The following KDM4F variants were observed in gnomAD, a reference collection of about 807,000 sequenced individuals.
KDM4F encodes the protein lysine demethylase 4F.
For synonymous variants in KDM4F, 223 were observed against 184.4 expected, an observed-to-expected ratio of 1.21 and a Z score of -1.70; for missense variants, 586 against 496.4, an observed-to-expected ratio of 1.18 and a Z score of -1.71.
exon 1 of KDM4F, chr11:95,049,646 G>A (rs1321609172): frequency 2.5e-6 from 4 of 1,598,634 alleles, no homozygotes; most frequent in Admixed American, 1.7e-5. Context: ...TCCAGCAGGT[G>A]ACCTCTGGGC....
chr11:95,050,065 A>T (rs1027074489), exon 1 of KDM4F: 1 of 1,602,008 alleles, frequency 6.2e-7, no homozygotes, highest in Admixed American at 1.7e-5. Flanking sequence ...GTGCCCCCAG[A>T]ACATGGTCAG....
At chr11:95,050,025 C>A (rs1349955057) in exon 1 of KDM4F, 5 of 1,613,766 alleles carry the variant, frequency 3.1e-6, no homozygotes, top group Non-Finnish European at 4.2e-6. Context: ...CAACTACCTG[C>A]ACTTTGGGGA....
At chr11:95,049,569 C>T in exon 1 of KDM4F, 1 of 1,597,588 alleles carries the variant, frequency 6.3e-7, no homozygotes, top group Non-Finnish European at 8.5e-7. Context: ...CAAGGTAATT[C>T]CACCCAAGGA....
exon 1 of KDM4F, chr11:95,050,996 T>A: frequency 2.3e-6 from 1 of 444,200 alleles, no homozygotes. Flanking sequence ...CCATGCACCC[T>A]GGCCCCTGCC....
chr11:95,050,218 G>C, exon 1 of KDM4F: 2 of 1,558,082 alleles, frequency 1.3e-6, no homozygotes, highest in East Asian at 4.5e-5. Flanking sequence ...CAGGAGGCTG[G>C]GGAGTTCATG....
the KDM4F span, chr11:95,051,251 C>G: frequency 4.6e-4 from 182 of 398,744 alleles, 3 homozygotes; most frequent in Admixed American, 4.5e-3. Flanking sequence ...GACAGAGATA[C>G]GCCACTGAAT....
exon 1 of KDM4F, chr11:95,050,372 C>A: frequency 9.9e-7 from 1 of 1,007,064 alleles, no homozygotes; most frequent in South Asian, 1.3e-5. Context: ...TGACCTTTTC[C>A]ATGGATGCCT....
exon 1 of KDM4F, chr11:95,049,808 T>C (rs1858492889): frequency 1.4e-5 from 23 of 1,594,832 alleles, no homozygotes; most frequent in Non-Finnish European, 2.0e-5. Flanking sequence ...ACCCCGGTAA[T>C]CCACCAATTT....
At chr11:95,050,498 G>A in exon 1 of KDM4F, 1 of 719,104 alleles carries the variant, frequency 1.4e-6, no homozygotes, top group Non-Finnish European at 2.5e-6. Flanking sequence ...GCAACTGGAG[G>A]GAGGACATAG....
At chr11:95,049,678 A>G (rs569920389) in exon 1 of KDM4F, 570 of 1,601,324 alleles carry the variant, frequency 3.6e-4, no homozygotes, top group Non-Finnish European at 4.6e-4. Context: ...TTTACTCAAT[A>G]CCATAAAAAG....
At chr11:95,049,743 C>T in the KDM4F span, 2 of 1,605,188 alleles carry the variant, frequency 1.2e-6, no homozygotes, top group Non-Finnish European at 1.7e-6. Context: ...TAAAAAATAT[C>T]AGACTCCGCC....
Position 95,049,614 on chromosome 11 carries a change from G to A in KDM4F, c.193G>A (p.Asp65Asn). ...CAGACAGATGTATGATGATATTGAA[G>A]ACATCTTAATAGCCACTCCCCTCCA... is the stretch of plus-strand genomic sequence containing the variant. The change falls in exon 1 of 1, where the codon GAC becomes AAC. Residue 65 changes from aspartate (D) to asparagine (N), a missense_variant. Transcript: ENST00000545950. 1.9e-6 allele frequency: 3 copies of A among 1,599,800 alleles called. No homozygotes were observed. In the Admixed American group the frequency reaches 5.0e-5, roughly 27 times the overall value.
Position 95,050,330 on chromosome 11 carries a change from G to T in KDM4F, c.909G>T (p.Val303=), listed in dbSNP as rs1590990081. The T allele has an allele frequency of 1.5e-5, 19 of 1,273,306 alleles. No homozygotes were observed. In the South Asian group the frequency reaches 2.1e-4, roughly 14 times the overall value. 78.9% of individuals were successfully genotyped at this position (1,273,306 alleles called of 1,614,324 possible). Residue 303 remains valine, a synonymous_variant, in exon 1 of 1, where the codon GTG becomes GTT. Transcript: ENST00000545950. ...CACGATGGATTGATTATGGTAAAGT[G>T]GCTTCACAGTGTAGCTGTGGCGAGG...
rs982488034 is a variant in KDM4F at position 95,050,690 on chromosome 11, G to T, written c.1269G>T (p.Arg423Ser). Residue 423 changes from arginine to serine, a missense_variant, in exon 1 of 1, where the codon AGG (arginine) becomes AGT (serine). Transcript: ENST00000545950. The stretch of plus-strand genomic sequence containing the variant: ...GGGTTCTTCCCCCTTCCACTGGAAG[G>T]TGGGGTCCTTGTCGTGGCTGTGGTC... 15 of 627,106 alleles carry T rather than the reference G, an allele frequency of 2.4e-5. No individual in the cohort carries two copies. The South Asian group carries it at 2.6e-4, about 11-fold the overall frequency. The allele number at this position is 627,106 out of a possible 1,614,324, so 38.8% of individuals were successfully genotyped here.
exon 1 of KDM4F, chr11:95,051,136 C>A (rs781844908): frequency 9.0e-5 from 36 of 400,382 alleles, no homozygotes; most frequent in Non-Finnish European, 1.4e-4. Flanking sequence ...GTGAATCTGG[C>A]CAAGGTTGTA....
chr11:95,051,082 T>C, exon 1 of KDM4F: 1 of 410,654 alleles, frequency 2.4e-6, no homozygotes, highest in Non-Finnish European at 4.3e-6. Context: ...ACTGTGCCTT[T>C]GATTACATTG....
exon 1 of KDM4F, chr11:95,049,815 A>G (rs572336487): frequency 1.1e-5 from 18 of 1,594,502 alleles, no homozygotes; most frequent in South Asian, 7.8e-5. Context: ...TAATCCACCA[A>G]TTTATGGTGC....
exon 1 of KDM4F, chr11:95,050,251 A>T: frequency 6.5e-7 from 1 of 1,543,580 alleles, no homozygotes; most frequent in Non-Finnish European, 9.0e-7. Context: ...TATGGCTACC[A>T]TGCTGGCTTC....
At position 95,049,441 on chromosome 11, in the gene KDM4F, G is replaced by A. The variant is rs1167200489; in HGVS notation, c.20G>A (p.Ser7Asn). The A allele has an allele frequency of 5.5e-6, 8 of 1,458,492 alleles. No individual in the cohort carries two copies. The African/African-American group carries it at 9.8e-5, about 18-fold the overall frequency. 90.3% of individuals were successfully genotyped at this position (1,458,492 alleles called of 1,614,324 possible). The change falls in exon 1 of 1, where the codon AGT becomes AAT. Residue 7 changes from serine to asparagine, a missense_variant. Ser to Asn is a conservative substitution (Grantham distance 46). Coordinates refer to ENST00000545950, the Ensembl canonical transcript of KDM4F. Reference sequence around the variant, plus strand: ...GCAGCCATGAAGTCTGTGCACTCCAGTCCCCAGAACACGAGTCATACCATC... The same window carrying A: ...GCAGCCATGAAGTCTGTGCACTCCAATCCCCAGAACACGAGTCATACCATC...
Sources: gnomAD v4.1 joint callset for allele counts on GRCh38, gnomAD v4.1.1 for gene constraint, MANE v1.5 for transcripts, NCBI Gene and HGNC (gene_info 2026-07-23, HGNC 2026-07-21) for gene names.